The following PRAMEF11 variants were observed in gnomAD, a reference collection of about 807,000 sequenced individuals.
PRAMEF11 encodes the protein PRAME family member 11.
PRAMEF11 carries 17 observed loss-of-function variants against 33.6 expected under a neutral mutation model. The observed-to-expected ratio is 0.51, with a 90% CI of 0.35 to 0.76. The LOEUF is 0.76. PRAMEF11 is among the 30% of genes least tolerant of loss of function. The probability of loss-of-function intolerance (pLI) is 0.01; values close to 1 mark genes in which losing one functional copy is unlikely to be tolerated. For synonymous variants in PRAMEF11, 205 were observed against 227.3 expected (o/e 0.90, Z 0.88); for missense variants, 568 against 567.0 (o/e 1.00, Z -0.02).
At chr1:12,829,331 T>G (rs1639957199) in intron 1 of PRAMEF11, among the ~76,000 whole-genome samples, 1 of 146,334 alleles carries the variant, frequency 6.8e-6, no homozygotes, top group Non-Finnish European at 1.5e-5. Context: ...TCTTTCCTCC[T>G]CTCTCTCCCT....
chr1:12,828,877 G>A lies in PRAMEF11; in HGVS notation c.-16-72C>T, dbSNP rs1219625433. On this transcript the variant is annotated intron_variant, in intron 1 of 3. Coordinates refer to ENST00000619922, the MANE Select transcript of PRAMEF11 (RefSeq NM_001146344.3). ...CCCATGCAATCTCATCTTCTCCCAG[G>A]GCCAAAGTCACTGCTCTGGCAATGG... 6.9e-6 allele frequency: 11 copies of A among 1,594,250 alleles called. 1 individual carries two copies. Among genetic ancestry groups the A allele is most frequent in the Non-Finnish European group, 9.4e-6 (11 of 1,167,640 alleles).
In PRAMEF11 at chr1:12,827,806, A is replaced by G. The variant is rs777189367; in HGVS notation, c.318T>C (p.Asp106=). 43 of 1,607,624 alleles carry G rather than the reference A, an allele frequency of 2.7e-5. 1 individual carries two copies. Among genetic ancestry groups the G allele is most frequent in the Non-Finnish European group, 3.5e-5 (41 of 1,177,928 alleles). Residue 106 remains aspartate (D), a synonymous_variant, in exon 3 of 4, where the codon GAT becomes GAC. Coordinates refer to ENST00000619922, the MANE Select transcript of PRAMEF11 (RefSeq NM_001146344.3). ...AGAAGTTCTCACAGACATCCTGTAA[A>G]TCCAGCACTTGAAGTTTCCATCTCC... ...RPRRWKLQVL[D]LQDVCENFWM...
In PRAMEF11 at chr1:12,827,755, G is replaced by A. The variant is rs770678027; in HGVS notation, c.369C>T (p.Ala123=). 1.9e-6 allele frequency: 3 copies of A among 1,609,370 alleles called. No individual in the cohort carries two copies. The highest frequency in any genetic ancestry group is 1.3e-5 in the African/African-American group (1 of 74,568). The change falls in exon 3 of 4, where the codon GCC becomes GCT. Residue 123 remains alanine, a synonymous_variant. Transcript: ENST00000619922. The stretch of plus-strand genomic sequence containing the variant: ...TCTTGGCATTGAGGAAGCACCCATG[G>A]GCCATAGCTTCAGACCAAACCATCC... ...NFWMVWSEAM[A]HGCFLNAKRN... is the part of the protein sequence containing the mutation.
In PRAMEF11 at chr1:12,828,701, A is replaced by C; in HGVS notation, c.89T>G (p.Leu30Arg). The C allele has an allele frequency of 6.2e-7, 1 of 1,610,444 alleles. No homozygotes were observed. The highest frequency in any genetic ancestry group is 1.7e-5 in the Admixed American group (1 of 59,776). Residue 30 changes from leucine (L) to arginine (R), a missense_variant, in exon 2 of 4, where the codon CTG (leucine) becomes CGG (arginine). Around this residue, in one of 3 missense-constraint regions of PRAMEF11, gnomAD observed 342 missense variants for 312.0 expected, o/e 1.10. Transcript: ENST00000619922. Reference sequence around the variant, plus strand: ...GAAAAGTTCCGTGGGCAGCTCCTCCAGGGTGGAGACGGCCAAGGCTTGGTC... The same window carrying C: ...GAAAAGTTCCGTGGGCAGCTCCTCCCGGGTGGAGACGGCCAAGGCTTGGTC... ...LRDQALAVST[L>R]EELPTELFPP...
chr1:12,829,847 T>C (rs1356790442), intron 1 of PRAMEF11, among the ~76,000 whole-genome samples: 1 of 151,240 alleles, frequency 6.6e-6, no homozygotes, highest in African/African-American at 2.4e-5. Flanking sequence ...CACTCCAGCC[T>C]GGGAAATAGG....
chr1:12,824,895 G>A lies in PRAMEF11; in HGVS notation c.*47C>T, dbSNP rs756541479. On this transcript the variant is annotated 3_prime_UTR_variant, in exon 4 of 4. Transcript: ENST00000619922. ...CTAAGACCTAGGTTTTAGTTTCCAA[G>A]TGTCCAGAAGAAAGCGTTTGACATA... is the stretch of plus-strand genomic sequence containing the variant. 297 of 1,601,522 alleles carry A rather than the reference G, an allele frequency of 1.9e-4. 12 individuals are homozygous for A. The highest frequency in any genetic ancestry group is 2.5e-4 in the Non-Finnish European group (288 of 1,173,024).
At chr1:12,829,898 G>A (rs1202525644) in intron 1 of PRAMEF11, among the ~76,000 whole-genome samples, 1 of 151,272 alleles carries the variant, frequency 6.6e-6, no homozygotes, top group Non-Finnish European at 1.5e-5. Flanking sequence ...CATTTGATTA[G>A]AATTCTTAAT....
chr1:12,828,387 G>A lies in PRAMEF11; in HGVS notation c.293+110C>T, dbSNP rs1241082413. On this transcript the variant is annotated intron_variant, in intron 2 of 3. Transcript: ENST00000619922. ...AGCTGGTGAATGGCCAAGTCCTCTC[G>A]GCTTCCTCACCACCACCATCCCCCT... 55 of 1,426,412 alleles carry A rather than the reference G, an allele frequency of 3.9e-5. 1 individual carries two copies. Among genetic ancestry groups the A allele is most frequent in the South Asian group, 1.7e-4 (13 of 77,792 alleles). The allele number at this position is 1,426,412 out of a possible 1,614,324, so 88.4% of individuals were successfully genotyped here. A position where few individuals can be genotyped will look rare whatever the true frequency, so the allele number is the denominator to read the frequency against.
chr1:12,828,229 T>C (rs1474970483), intron 2 of PRAMEF11, among the ~76,000 whole-genome samples: 4 of 145,794 alleles, frequency 2.7e-5, no homozygotes, highest in Non-Finnish European at 6.0e-5. Flanking sequence ...AGCCTCCCAA[T>C]GGGCTGGGAT....
rs758966394 is a variant in PRAMEF11 at position 12,824,933 on chromosome 1, G to C, written c.*9C>G. 1.9e-6 allele frequency: 3 copies of C among 1,608,510 alleles called. No homozygotes were observed. The South Asian group carries it at 3.3e-5, about 18-fold the overall frequency. On this transcript the variant is annotated 3_prime_UTR_variant, in exon 4 of 4. Transcript: ENST00000619922. Reference sequence around the variant, plus strand: ...AGCGTTTGACATACCCATCCAAATAGGCAGGCATTCAACAGCAGTATTGAT... The same window carrying C: ...AGCGTTTGACATACCCATCCAAATACGCAGGCATTCAACAGCAGTATTGAT...
rs139844054 is a variant in PRAMEF11, at chr1:12,830,283, G to T, written c.-17+1073C>A. Among the ~76,000 whole-genome samples, 222 of 151,222 alleles carry T rather than the reference G, an allele frequency of 1.5e-3. 5 individuals are homozygous for T. Among genetic ancestry groups the T allele is most frequent in the Middle Eastern group, 0.014 (4 of 290 alleles). ...CATATATCCAAAGATCACCTAGGTG[G>T]CGTAATTCTTTTTGGTGTTGAGGGA... On this transcript the variant is annotated intron_variant, in intron 1 of 3. Coordinates refer to ENST00000619922, the MANE Select transcript of PRAMEF11 (RefSeq NM_001146344.3).
chr1:12,827,666 A>G lies in PRAMEF11; in HGVS notation c.458T>C (p.Val153Ala). 6.2e-7 allele frequency: 1 copy of G among 1,609,716 alleles called. No individual in the cohort carries two copies. Among genetic ancestry groups the G allele is most frequent in the Non-Finnish European group, 8.5e-7 (1 of 1,177,762 alleles). The change falls in exon 3 of 4, where the codon GTA becomes GCA. Residue 153 changes from valine to alanine, a missense_variant. Physicochemically the swap from Val to Ala is moderately conservative, Grantham distance 64 (BLOSUM62 0). Transcript: ENST00000619922. ...AGTCCTGTTCTTGAGCCAAAGTTCT[A>G]CAAACACAGTCAAGGGCTGCCGTCC... Reference protein sequence around the residue: ...MRGRQPLTVFVELWLKNRTLD... With the variant: ...MRGRQPLTVFAELWLKNRTLD...
At chr1:12,830,936 T>G (rs74703750) in intron 1 of PRAMEF11, among the ~76,000 whole-genome samples, 45 of 149,256 alleles carry the variant, frequency 3.0e-4, no homozygotes, top group Middle Eastern at 6.9e-3. Context: ...AAGGTTGCAG[T>G]GAGTTGAGAT....
At position 12,827,268 on chromosome 1, in the gene PRAMEF11, G is replaced by C. The variant is rs1639888356; in HGVS notation, c.856C>G (p.His286Asp). The C allele has an allele frequency of 2.5e-6, 4 of 1,597,556 alleles. 1 individual carries two copies. The East Asian group carries it at 9.0e-5, about 36-fold the overall frequency. Residue 286 changes from histidine (H) to aspartate (D), a missense_variant, in exon 3 of 4, where the codon CAC becomes GAC. Physicochemically the swap from His to Asp is moderately conservative, Grantham distance 81 (BLOSUM62 -1). Around this residue, in one of 3 missense-constraint regions of PRAMEF11, gnomAD observed 52 missense variants for 127.8 expected, o/e 0.41. Transcript: ENST00000619922. The part of the protein sequence containing the change: ...YMNSVSFLEG[H>D]LDQLLSCLKT... Reference sequence around the variant, plus strand: ...CCTCACCTGAGCAGCTGGTCCAGGTGGCCTTCGAGGAAAGAAACAGAGTTC... The same window carrying C: ...CCTCACCTGAGCAGCTGGTCCAGGTCGCCTTCGAGGAAAGAAACAGAGTTC...
At position 12,827,766 on chromosome 1, in the gene PRAMEF11, C is replaced by G; in HGVS notation, c.358G>C (p.Glu120Gln). The G allele has an allele frequency of 6.2e-7, 1 of 1,609,268 alleles. No homozygotes were observed. Among genetic ancestry groups the G allele is most frequent in the Non-Finnish European group, 8.5e-7 (1 of 1,178,366 alleles). ...VCENFWMVWS[E>Q]AMAHGCFLNA... ...AGGAAGCACCCATGGGCCATAGCTTCAGACCAAACCATCCAGAAGTTCTCA... is the reference window on the plus strand; with the variant it reads ...AGGAAGCACCCATGGGCCATAGCTTGAGACCAAACCATCCAGAAGTTCTCA... The change falls in exon 3 of 4, where the codon GAA becomes CAA. Residue 120 changes from glutamate (E) to glutamine (Q), a missense_variant. Glu to Gln is a conservative substitution (Grantham distance 29, BLOSUM62 2). This residue lies in a region of PRAMEF11 where 342 missense variants were observed against 312.0 expected (regional missense o/e 1.10). Coordinates refer to ENST00000619922, the MANE Select transcript of PRAMEF11 (RefSeq NM_001146344.3).
chr1:12,828,759 G>A lies in PRAMEF11; in HGVS notation c.31C>T (p.Leu11Phe). 1.9e-6 allele frequency: 3 copies of A among 1,609,908 alleles called. No individual in the cohort carries two copies. Among genetic ancestry groups the A allele is most frequent in the Non-Finnish European group, 1.7e-6 (2 of 1,178,036 alleles). Residue 11 changes from leucine (L) to phenylalanine (F), a missense_variant, in exon 2 of 4, where the codon CTC becomes TTC. This residue lies in a region of PRAMEF11 where 342 missense variants were observed against 312.0 expected (regional missense o/e 1.10). Transcript: ENST00000619922. The part of the protein sequence containing the change: MKMSIRIPPR[L>F]LELAGRSLLR... The stretch of plus-strand genomic sequence containing the variant: ...AGGCTCCGCCCCGCAAGCTCCAGGA[G>A]TCTGGGTGGAATCCGGATGCTCATC...
In PRAMEF11 at chr1:12,828,907, A is replaced by C. The variant is rs1639945838; in HGVS notation, c.-16-102T>G. 3.3e-6 allele frequency: 5 copies of C among 1,528,832 alleles called. No individual in the cohort carries two copies. In the South Asian group the frequency reaches 6.0e-5, roughly 18 times the overall value. 94.7% of individuals were successfully genotyped at this position (1,528,832 alleles called of 1,614,324 possible). A position where few individuals can be genotyped will look rare whatever the true frequency, so the allele number is the denominator to read the frequency against. ...AAGTCACTGCTCTGGCAATGGTGAA[A>C]CAGCCCTCAGTTTACTCCAATTCTA... On this transcript the variant is annotated intron_variant, in intron 1 of 3. Coordinates refer to ENST00000619922, the MANE Select transcript of PRAMEF11 (RefSeq NM_001146344.3).
Position 12,825,373 on chromosome 1 carries a change from T to A in PRAMEF11, c.1006A>T (p.Thr336Ser), listed in dbSNP as rs768623760. ...KTLDLSGIRLTNYSLVPLQIL... is the reference protein window; with the variant it reads ...KTLDLSGIRLSNYSLVPLQIL... ...TGGAGAGGCACAAGACTGTAATTGG[T>A]CAGTCTGATGCCACTCAGGTCCAGG... Residue 336 changes from threonine (T) to serine (S), a missense_variant, in exon 4 of 4, where the codon ACC becomes TCC. By Grantham distance (58) the Thr-to-Ser change is moderately conservative (BLOSUM62 1). This residue lies in a region of PRAMEF11 where 52 missense variants were observed against 127.8 expected (regional missense o/e 0.41). Transcript: ENST00000619922. 6 of 1,508,296 alleles carry A rather than the reference T, an allele frequency of 4.0e-6. No individual in the cohort carries two copies. Among genetic ancestry groups the A allele is most frequent in the Non-Finnish European group, 2.7e-6 (3 of 1,103,416 alleles). 93.4% of individuals were successfully genotyped at this position (1,508,296 alleles called of 1,614,324 possible).
In PRAMEF11 at chr1:12,830,375, C is replaced by T. The variant is rs1023620554; in HGVS notation, c.-17+981G>A. On this transcript the variant is annotated intron_variant, in intron 1 of 3. Coordinates refer to ENST00000619922, the MANE Select transcript of PRAMEF11 (RefSeq NM_001146344.3). Reference sequence around the variant, plus strand: ...TCATATCGGCTCACTGTTACCTCGGCCTCCAAGATTCAAGCAATTCTCATG... The same window carrying T: ...TCATATCGGCTCACTGTTACCTCGGTCTCCAAGATTCAAGCAATTCTCATG... 2.0e-5 allele frequency among the ~76,000 whole-genome samples: 3 copies of T among 151,258 alleles called. No homozygotes were observed. In the Admixed American group the frequency reaches 2.0e-4, roughly 10 times the overall value.
Sources: allele counts gnomAD v4.1 joint callset (sites outside exome capture counted in the v4.1 genomes callset), GRCh38; gene constraint gnomAD v4.1.1; regional missense constraint gnomAD v4.1.1; transcripts MANE v1.5; gene names NCBI Gene and HGNC (gene_info 2026-07-23, HGNC 2026-07-21).